CCAR1: variants seen among roughly 807,000 people sequenced by gnomAD.
CCAR1 encodes the protein cell division cycle and apoptosis regulator 1, also known as cell division cycle and apoptosis regulator protein 1.
A neutral mutation model predicts 163.8 loss-of-function variants in CCAR1; 78 were observed. The ratio of observed to expected loss-of-function variants is 0.48; its 90% CI spans 0.40 to 0.57. The LOEUF (loss-of-function observed/expected upper bound fraction) is 0.57, where lower values mean the gene tolerates loss of function less well. Among genes scored for constraint, CCAR1 ranks in the 20% least tolerant of loss-of-function variants. The pLI is 0.00. For missense variants in CCAR1, 1,019 were observed against 1,365.2 expected, an observed-to-expected ratio of 0.75 and a Z score of 4.00; for synonymous variants, 443 against 460.7, an observed-to-expected ratio of 0.96 and a Z score of 0.49.
At chr10:68,781,779 A>G (rs1392430041) in intron 19 of CCAR1, among the ~76,000 whole-genome samples, 1 of 151,980 alleles carries the variant, frequency 6.6e-6, no homozygotes. Flanking sequence ...TGAGCCCAAG[A>G]GGTTGAGGTT....
At chr10:68,773,595 G>A (rs1428437639) in intron 19 of CCAR1, among the ~76,000 whole-genome samples, 1 of 152,126 alleles carries the variant, frequency 6.6e-6, no homozygotes, top group Non-Finnish European at 1.5e-5. Flanking sequence ...GAGCATGGGA[G>A]GCGGAGGTTG....
chr10:68,790,295 C>G (rs1171009443), intron 24 of CCAR1, among the ~76,000 whole-genome samples: 1 of 150,854 alleles, frequency 6.6e-6, no homozygotes, highest in Non-Finnish European at 1.5e-5. Flanking sequence ...GCAGAGGTTT[C>G]AGTGAGTCTA....
intron 23 of CCAR1, among the ~76,000 whole-genome samples, chr10:68,788,871 T>C (rs2133440606): frequency 6.6e-6 from 1 of 152,146 alleles, no homozygotes; most frequent in East Asian, 1.9e-4. Flanking sequence ...TATTCTCAGG[T>C]TCATTGTTAC....
rs2056235900 is a variant in CCAR1, at chr10:68,745,142, AT to A, written c.519-2017del. On this transcript the variant is annotated intron_variant, in intron 6 of 24. Transcript: ENST00000265872. ...TGCCTCAGTCTCCCAAGTAGCTGGG[AT>A]TACAGGCGCCTGCCACCACACCCGG... 2.6e-5 allele frequency among the ~76,000 whole-genome samples: 4 copies of A among 151,964 alleles called. No individual in the cohort carries two copies. In the South Asian group the frequency reaches 8.3e-4, roughly 31 times the overall value.
intron 2 of CCAR1, among the ~76,000 whole-genome samples, chr10:68,729,276 T>A (rs1008296346): frequency 2.7e-5 from 4 of 148,868 alleles, no homozygotes; most frequent in African/African-American, 9.8e-5. Context: ...TTTTTTTGGT[T>A]TTTTTTTTTT....
chr10:68,758,039 CCG>C (rs2056417701), intron 15 of CCAR1, among the ~76,000 whole-genome samples: 1 of 152,074 alleles, frequency 6.6e-6, no homozygotes, highest in Admixed American at 6.6e-5. Context: ...CCGTGCCTGG[CCG>C]TAATTTGGTT....
intron 13 of CCAR1, 80 bp downstream of exon 13, chr10:68,755,616 C>A: frequency 7.9e-7 from 1 of 1,271,652 alleles, no homozygotes; most frequent in Non-Finnish European, 1.1e-6. Context: ...GCCTTTTCCC[C>A]CCGGCTTATT....
intron 10 of CCAR1, among the ~76,000 whole-genome samples, chr10:68,751,190 G>A (rs2056325970): frequency 1.3e-5 from 2 of 151,800 alleles, no homozygotes; most frequent in Admixed American, 1.3e-4. Context: ...ACCACACCTG[G>A]CTAATTTTGT....
Position 68,755,364 on chromosome 10 carries a change from A to C in CCAR1, c.1459-6A>C. On this transcript the variant is annotated splice_polypyrimidine_tract_variant and splice_region_variant and intron_variant, in intron 12 of 24. Transcript: ENST00000265872. ...TATATGTAAATGATTCTTTGTTTTG[A>C]ATTAGTTTTTAGTGGGCATGAAAGG... The C allele has an allele frequency of 2.5e-6, 4 of 1,606,808 alleles. No homozygotes were observed. The highest frequency in any genetic ancestry group is 2.6e-6 in the Non-Finnish European group (3 of 1,175,662).
intron 15 of CCAR1, 92 bp from the exon 16 acceptor site, chr10:68,760,915 T>G: frequency 2.1e-6 from 1 of 470,410 alleles, no homozygotes; most frequent in Non-Finnish European, 3.9e-6. Context: ...TAATTGTTAA[T>G]TGTAGCTAGT....
intron 16 of CCAR1, among the ~76,000 whole-genome samples, chr10:68,764,147 A>G (rs2056508175): frequency 6.6e-6 from 1 of 152,162 alleles, no homozygotes; most frequent in Non-Finnish European, 1.5e-5. Flanking sequence ...AGGTGCCTCT[A>G]ATTCTTCCAG....
At chr10:68,765,661 T>A (rs2056526985) in intron 16 of CCAR1, among the ~76,000 whole-genome samples, 1 of 152,314 alleles carries the variant, frequency 6.6e-6, no homozygotes, top group African/African-American at 2.4e-5. Flanking sequence ...CAGTTTCTTA[T>A]GCTGGGAAAT....
chr10:68,727,992 A>G (rs969717556), intron 2 of CCAR1, among the ~76,000 whole-genome samples: 2 of 152,056 alleles, frequency 1.3e-5, no homozygotes, highest in African/African-American at 4.8e-5. Context: ...GCTTGCTACC[A>G]TACCCGGCTA....
At chr10:68,738,945 A>G (rs564882450) in intron 4 of CCAR1, among the ~76,000 whole-genome samples, 7 of 152,104 alleles carry the variant, frequency 4.6e-5, no homozygotes, top group Non-Finnish European at 8.8e-5. Context: ...AAATAAATAA[A>G]ATGTGGGAGA....
chr10:68,749,794 G>T, intron 10 of CCAR1, 109 bp downstream of exon 10: 1 of 929,620 alleles, frequency 1.1e-6, no homozygotes. Context: ...GACAGTTAGT[G>T]TTCTTCATAT....
chr10:68,772,946 TA>T, intron 18 of CCAR1, 41 bp from the exon 19 acceptor site: 1 of 1,097,678 alleles, frequency 9.1e-7, no homozygotes, highest in East Asian at 2.7e-5. Context: ...CCCCGTCTTC[TA>T]AAAATAAGTA....
At chr10:68,760,969 C>CA in intron 15 of CCAR1, 38 bp from the exon 16 acceptor site, 4 of 1,069,538 alleles carry the variant, frequency 3.7e-6, no homozygotes, top group East Asian at 3.1e-5. Flanking sequence ...CCCCCGCCAC[C>CA]TTTTTTTTTT....
At chr10:68,774,352 T>C (rs1694491) in intron 19 of CCAR1, among the ~76,000 whole-genome samples, 121,014 of 152,018 alleles carry the variant, frequency 0.8, 48,880 homozygotes, top group Non-Finnish European at 0.86. Flanking sequence ...GAAAACTAAT[T>C]TGGGGCTGGG....
intron 16 of CCAR1, among the ~76,000 whole-genome samples, chr10:68,762,355 CA>C (rs11292488): frequency 0.88 from 131,747 of 150,498 alleles, 57,687 homozygotes; most frequent in African/African-American, 0.9. Flanking sequence ...AAAAAACAAA[CA>C]AAAAAAAAAC....
Sources: gnomAD v4.1 joint callset for allele counts (sites outside exome capture counted in the v4.1 genomes callset) on GRCh38, gnomAD v4.1.1 for gene constraint, MANE v1.5 for transcripts, NCBI Gene and HGNC (gene_info 2026-07-23, HGNC 2026-07-21) for gene names.